Variants in SPOCK3 observed in about 807,000 individuals in gnomAD.
SPOCK3 encodes testican-3.
A neutral mutation model predicts 56.6 loss-of-function variants in SPOCK3; 30 were observed. The observed-to-expected ratio is 0.53, with a 90% CI of 0.40 to 0.72. SPOCK3 has a LOEUF of 0.72. Ranked by LOEUF, SPOCK3 falls within the 30% of genes least tolerant of loss-of-function variation. The probability of loss-of-function intolerance (pLI) is 0.00; values close to 1 mark genes in which losing one functional copy is unlikely to be tolerated. For synonymous variants in SPOCK3, 196 were observed against 183.3 expected, an observed-to-expected ratio of 1.07 and a Z score of -0.56; for missense variants, 527 against 530.0, an observed-to-expected ratio of 0.99 and a Z score of 0.06.
intron 3 of SPOCK3, among the ~76,000 whole-genome samples, chr4:167,006,781 C>T (rs752691040): frequency 3.3e-5 from 5 of 152,158 alleles, no homozygotes; most frequent in Admixed American, 2.0e-4. Flanking sequence ...TTAATTCCGC[C>T]TCTTTTCCCA....
chr4:166,983,388 C>A (rs1335201576), intron 4 of SPOCK3, among the ~76,000 whole-genome samples: 1 of 151,978 alleles, frequency 6.6e-6, no homozygotes, highest in Non-Finnish European at 1.5e-5. Flanking sequence ...TCTTCTATGA[C>A]CTCAACTTTG....
chr4:166,900,064 G>T (rs1390180091), intron 5 of SPOCK3, among the ~76,000 whole-genome samples: 1 of 152,048 alleles, frequency 6.6e-6, no homozygotes, highest in Non-Finnish European at 1.5e-5. Flanking sequence ...CCTACCTGTG[G>T]GACTCCACAA....
intron 3 of SPOCK3, among the ~76,000 whole-genome samples, chr4:167,037,506 A>AAC (rs1554023480): frequency 1.3e-5 from 2 of 151,496 alleles, no homozygotes; most frequent in Non-Finnish European, 2.9e-5. Context: ...AAAAAAAAAA[A>AAC]AAAACTATTT....
Position 167,000,456 on chromosome 4 carries a change from A to T in SPOCK3, c.243T>A (p.Asp81Glu). Residue 81 changes from aspartate to glutamate, a missense_variant, in exon 4 of 11, where the codon GAT becomes GAA. Coordinates refer to ENST00000357545, the MANE Select transcript of SPOCK3 (RefSeq NM_001040159.2). ...SPGKPFDQALDPAKDPCLKMK... is the reference protein window; with the variant it reads ...SPGKPFDQALEPAKDPCLKMK... ...TCTTTAAGCATGGATCCTTAGCTGG[A>T]TCTAAAGCTAAAAAAATTGCAAAGA... 2 of 1,549,786 alleles carry T rather than the reference A, an allele frequency of 1.3e-6. No homozygotes were observed. Among genetic ancestry groups the T allele is most frequent in the South Asian group, 2.4e-5 (2 of 85,086 alleles).
chr4:166,847,933 T>C (rs1039679074), intron 6 of SPOCK3, among the ~76,000 whole-genome samples: 3 of 152,048 alleles, frequency 2.0e-5, no homozygotes, highest in Non-Finnish European at 4.4e-5. Context: ...TTGTATCATC[T>C]GCATTCTGTG....
intron 2 of SPOCK3, among the ~76,000 whole-genome samples, chr4:167,116,771 T>C (rs1423919379): frequency 7.2e-6 from 1 of 138,822 alleles, no homozygotes; most frequent in African/African-American, 2.6e-5. Context: ...TACACACATA[T>C]AGTATATATA....
intron 4 of SPOCK3, among the ~76,000 whole-genome samples, chr4:166,946,953 T>C (rs1016467935): frequency 4.6e-5 from 7 of 152,192 alleles, no homozygotes; most frequent in Admixed American, 2.6e-4. Flanking sequence ...TGATTTAAGA[T>C]GGACAATAAT....
intron 4 of SPOCK3, among the ~76,000 whole-genome samples, chr4:166,936,690 G>C (rs1050766201): frequency 6.6e-6 from 1 of 151,868 alleles, no homozygotes; most frequent in Admixed American, 6.6e-5. Flanking sequence ...CTACGTATTT[G>C]ATTTCTATTT....
intron 2 of SPOCK3, among the ~76,000 whole-genome samples, chr4:167,082,104 C>T (rs1253970415): frequency 6.6e-6 from 1 of 152,062 alleles, no homozygotes. Flanking sequence ...TCTTTAAATA[C>T]TTTGGTATGA....
At chr4:167,137,347 C>A (rs978623587) in intron 2 of SPOCK3, among the ~76,000 whole-genome samples, 2 of 151,722 alleles carry the variant, frequency 1.3e-5, no homozygotes, top group Admixed American at 6.6e-5. Flanking sequence ...AATAATAGAA[C>A]CTGAGTTAAT....
intron 4 of SPOCK3, among the ~76,000 whole-genome samples, chr4:166,991,923 C>G (rs534087291): frequency 1.8e-4 from 27 of 152,138 alleles, no homozygotes; most frequent in South Asian, 1.5e-3. Flanking sequence ...TATAAAGATA[C>G]ATGCTGAAGC....
At chr4:166,752,001 T>C (rs1736430525) in intron 8 of SPOCK3, among the ~76,000 whole-genome samples, 1 of 152,156 alleles carries the variant, frequency 6.6e-6, no homozygotes, top group Admixed American at 6.6e-5. Context: ...ACTACAAATA[T>C]TTCACTTGCT....
At chr4:167,176,130 A>G (rs1730961036) in intron 2 of SPOCK3, among the ~76,000 whole-genome samples, 1 of 151,868 alleles carries the variant, frequency 6.6e-6, no homozygotes. Flanking sequence ...CTGTGACTTA[A>G]TCTCTTTATC....
At chr4:166,972,855 T>G (rs999505597) in intron 4 of SPOCK3, among the ~76,000 whole-genome samples, 4 of 152,114 alleles carry the variant, frequency 2.6e-5, no homozygotes, top group Admixed American at 2.6e-4. Flanking sequence ...TGTTGAAAAC[T>G]GAATCAAATT....
chr4:167,175,978 A>C (rs575056721), intron 2 of SPOCK3, among the ~76,000 whole-genome samples: 1 of 152,166 alleles, frequency 6.6e-6, no homozygotes, highest in Non-Finnish European at 1.5e-5. Context: ...CAGAAGTCAG[A>C]AGTCTCACTG....
At chr4:167,210,590 G>A (rs72701411) in intron 2 of SPOCK3, among the ~76,000 whole-genome samples, 4,795 of 152,172 alleles carry the variant, frequency 0.032, 87 homozygotes, top group Admixed American at 0.069. Context: ...ATAAATGTGT[G>A]TATTTAGCAA....
intron 3 of SPOCK3, among the ~76,000 whole-genome samples, chr4:167,058,504 TACAA>T (rs1488780869): frequency 1.3e-5 from 2 of 152,002 alleles, no homozygotes; most frequent in Non-Finnish European, 2.9e-5. Context: ...TAAAAGAGGA[TACAA>T]ACAAATGGAA....
chr4:167,186,914 C>G (rs1408172814), intron 2 of SPOCK3, among the ~76,000 whole-genome samples: 1 of 142,554 alleles, frequency 7.0e-6, no homozygotes, highest in African/African-American at 2.6e-5. Flanking sequence ...GAGGCAGAGG[C>G]TGCAGTGAGC....
chr4:167,203,322 A>G (rs997348067), intron 2 of SPOCK3, among the ~76,000 whole-genome samples: 3 of 152,010 alleles, frequency 2.0e-5, no homozygotes, highest in African/African-American at 7.2e-5. Context: ...TTAGTAAATA[A>G]GCAAACATCT....
Sources: allele counts gnomAD v4.1 joint callset (sites outside exome capture counted in the v4.1 genomes callset), GRCh38; gene constraint gnomAD v4.1.1; transcripts MANE v1.5; gene names NCBI Gene and HGNC (gene_info 2026-07-23, HGNC 2026-07-21).